The following PAN3 variants were observed in gnomAD, a reference collection of about 807,000 sequenced individuals.
The protein encoded by PAN3 is poly(A) specific ribonuclease subunit PAN3.
In PAN3, 19 loss-of-function variants were observed where a neutral mutation model predicts 96.2. That is an observed-to-expected ratio of 0.20 (90% CI 0.14 to 0.29). The LOEUF is 0.29. Among genes scored for constraint, PAN3 ranks in the 10% least tolerant of loss-of-function variants. The pLI, the probability that PAN3 is intolerant of heterozygous loss-of-function variation, is 1.00. For synonymous variants in PAN3, 433 were observed against 406.6 expected (o/e 1.06, Z -0.78); for missense variants, 882 against 1,108.1 (o/e 0.80, Z 2.90).
At chr13:28,150,279 G>A (rs1455414457) in intron 1 of PAN3, among the ~76,000 whole-genome samples, 1 of 152,100 alleles carries the variant, frequency 6.6e-6, no homozygotes, top group African/African-American at 2.4e-5. Context: ...TAGTAAGGCA[G>A]CATTTAAAGA....
chr13:28,202,279 G>A (rs1245967025), intron 5 of PAN3, among the ~76,000 whole-genome samples: 1 of 152,104 alleles, frequency 6.6e-6, no homozygotes, highest in African/African-American at 2.4e-5. Flanking sequence ...TAAATCTTGA[G>A]ATTTTCCTGC....
chr13:28,239,982 T>G (rs189046694), intron 6 of PAN3: 274 of 159,892 alleles, frequency 1.7e-3, no homozygotes, highest in African/African-American at 6.2e-3. Flanking sequence ...TATGAGGTTA[T>G]AAACATTTCT....
intron 5 of PAN3, among the ~76,000 whole-genome samples, chr13:28,198,489 A>G (rs1456880444): frequency 1.3e-5 from 2 of 152,202 alleles, no homozygotes; most frequent in African/African-American, 4.8e-5. Flanking sequence ...AATACATTCC[A>G]TCTTTGACTG....
intron 5 of PAN3, among the ~76,000 whole-genome samples, chr13:28,210,914 A>AT (rs905164033): frequency 3.8e-4 from 58 of 151,452 alleles, no homozygotes; most frequent in African/African-American, 1.3e-3. Flanking sequence ...TCTCATCTTT[A>AT]TTTTTTTTGA....
chr13:28,228,256 C>G (rs1593516432), intron 6 of PAN3, among the ~76,000 whole-genome samples: 1 of 152,078 alleles, frequency 6.6e-6, no homozygotes, highest in East Asian at 1.9e-4. Flanking sequence ...TCCTTTGATT[C>G]TTCTCAGCTT....
At chr13:28,157,257 C>T (rs1047492357) in intron 1 of PAN3, among the ~76,000 whole-genome samples, 1 of 151,988 alleles carries the variant, frequency 6.6e-6, no homozygotes, top group Non-Finnish European at 1.5e-5. Context: ...ATGACAAACC[C>T]ACAGCAGCAT....
intron 4 of PAN3, among the ~76,000 whole-genome samples, chr13:28,178,491 G>C (rs922432417): frequency 6.6e-6 from 1 of 152,120 alleles, no homozygotes; most frequent in African/African-American, 2.4e-5. Context: ...GTTGTGACAA[G>C]TTGAATAATT....
intron 5 of PAN3, 110 bp from the exon 6 acceptor site, chr13:28,220,121 C>T (rs1286880): frequency 0.13 from 133,563 of 1,049,400 alleles, 9,547 homozygotes; most frequent in Non-Finnish European, 0.15. Context: ...TTAATCCTTT[C>T]AATAATATAT....
At chr13:28,215,367 G>C in intron 5 of PAN3, 1 of 751,800 alleles carries the variant, frequency 1.3e-6, no homozygotes, top group Non-Finnish European at 2.5e-6. Flanking sequence ...TCCAGTCAAC[G>C]TTACAACTGA....
At chr13:28,192,837 T>C (rs1436315397) in intron 4 of PAN3, among the ~76,000 whole-genome samples, 4 of 152,260 alleles carry the variant, frequency 2.6e-5, no homozygotes, top group African/African-American at 9.6e-5. Context: ...AGATGAGATA[T>C]TGTTATAATT....
Position 28,139,027 on chromosome 13 carries a change from A to G in PAN3, c.370A>G (p.Thr124Ala). Reference sequence around the variant, plus strand: ...GAAGCCGGACCTGGGGGACCCGGGGACCGGAGCCGCAGCCGGCGGAGGAGG... The same window carrying G: ...GAAGCCGGACCTGGGGGACCCGGGGGCCGGAGCCGCAGCCGGCGGAGGAGG... Reference protein sequence around the residue: ...PKKPDLGDPGTGAAAGGGGSS... With the variant: ...PKKPDLGDPGAGAAAGGGGSS... The change falls in exon 1 of 19, where the codon ACC becomes GCC. Residue 124 changes from threonine to alanine, a missense_variant. Physicochemically the swap from Thr to Ala is moderately conservative, Grantham distance 58. Transcript: ENST00000380958. 1 of 1,272,510 alleles carries G rather than the reference A, an allele frequency of 7.9e-7. No individual in the cohort carries two copies. Among genetic ancestry groups the G allele is most frequent in the South Asian group, 2.6e-5 (1 of 38,734 alleles). The allele number at this position is 1,272,510 out of a possible 1,614,324, so 78.8% of individuals were successfully genotyped here. A position where few individuals can be genotyped will look rare whatever the true frequency, so the allele number is the denominator to read the frequency against.
chr13:28,139,471 G>A (rs940251094), intron 1 of PAN3, among the ~76,000 whole-genome samples: 1 of 150,206 alleles, frequency 6.7e-6, no homozygotes, highest in South Asian at 2.1e-4. Flanking sequence ...TTGTGGAGTG[G>A]CGTCTGCAGA....
chr13:28,205,859 CT>C (rs1191172438), intron 5 of PAN3, among the ~76,000 whole-genome samples: 1 of 141,040 alleles, frequency 7.1e-6, no homozygotes, highest in Non-Finnish European at 1.5e-5. Flanking sequence ...AAAACTGTTT[CT>C]TAAAAAAAAA....
At chr13:28,220,094 G>T in intron 5 of PAN3, 137 bp from the exon 6 acceptor site, 1 of 802,920 alleles carries the variant, frequency 1.2e-6, no homozygotes, top group Non-Finnish European at 1.8e-6. Context: ...ACCAAAATAT[G>T]GAACCGAAAA....
chr13:28,277,839 A>G (rs768986419), intron 15 of PAN3, among the ~76,000 whole-genome samples: 1 of 152,190 alleles, frequency 6.6e-6, no homozygotes, highest in Non-Finnish European at 1.5e-5. Context: ...CTCAGGTGCA[A>G]TCCAGTCATG....
At position 28,176,546 on chromosome 13, in the gene PAN3, A is replaced by G. The variant is rs142608239; in HGVS notation, c.606A>G (p.Pro202=). ...SPSLLNDSAK[P]YSAHDPLTSP... Reference sequence around the variant, plus strand: ...GCCTTCTAAATGACAGTGCCAAGCCATATTCAGCCCATGGTAAGACCTGAT... The same window carrying G: ...GCCTTCTAAATGACAGTGCCAAGCCGTATTCAGCCCATGGTAAGACCTGAT... Residue 202 remains proline, a synonymous_variant, in exon 3 of 19, where the codon CCA becomes CCG. Coordinates refer to ENST00000380958, the MANE Select transcript of PAN3 (RefSeq NM_175854.8). 7.3e-4 allele frequency: 1,171 copies of G among 1,613,930 alleles called. 5 individuals carry two copies. The African/African-American group carries it at 0.014, about 19-fold the overall frequency.
At chr13:28,218,930 A>ACC (rs1881096751) in intron 5 of PAN3, among the ~76,000 whole-genome samples, 1 of 152,048 alleles carries the variant, frequency 6.6e-6, no homozygotes, top group Non-Finnish European at 1.5e-5. Flanking sequence ...TTTTATCTTG[A>ACC]CCCTCAACTT....
chr13:28,280,628 C>T, intron 16 of PAN3, 87 bp downstream of exon 16: 2 of 1,199,398 alleles, frequency 1.7e-6, no homozygotes, highest in Admixed American at 3.3e-5. Context: ...GTGGTGCTAT[C>T]TCGGCTTACT....
chr13:28,146,587 C>CTA, intron 1 of PAN3, among the ~76,000 whole-genome samples: 1 of 152,138 alleles, frequency 6.6e-6, no homozygotes, highest in East Asian at 1.9e-4. Flanking sequence ...GTGATATGGT[C>CTA]TATAACCTGT....
Sources: gnomAD v4.1 joint callset for allele counts (sites outside exome capture counted in the v4.1 genomes callset) on GRCh38, gnomAD v4.1.1 for gene constraint, MANE v1.5 for transcripts, NCBI Gene and HGNC (gene_info 2026-07-23, HGNC 2026-07-21) for gene names.